Variants in ARHGAP39 observed in about 807,000 individuals in gnomAD.
The protein encoded by ARHGAP39 is Rho GTPase activating protein 39.
ARHGAP39 carries 44 observed loss-of-function variants against 106.9 expected under a neutral mutation model. The observed-to-expected ratio is 0.41, with a 90% CI of 0.32 to 0.53. ARHGAP39 has a LOEUF of 0.53. Among genes scored for constraint, ARHGAP39 ranks in the 20% least tolerant of loss-of-function variants. The probability of loss-of-function intolerance (pLI) is 0.21; values close to 1 mark genes in which losing one functional copy is unlikely to be tolerated. For synonymous variants in ARHGAP39, 768 were observed against 693.2 expected, an observed-to-expected ratio of 1.11 and a Z score of -1.69; for missense variants, 1,496 against 1,577.3, an observed-to-expected ratio of 0.95 and a Z score of 0.87.
At chr8:144,662,134 C>T (rs2129688172) in intron 1 of ARHGAP39, among the ~76,000 whole-genome samples, 1 of 151,588 alleles carries the variant, frequency 6.6e-6, no homozygotes, top group East Asian at 2.0e-4. Flanking sequence ...CGCTCACCTT[C>T]CCCATTTTCC....
rs1816662605 is a variant in ARHGAP39 at position 144,530,779 on chromosome 8, C to T, written c.3073G>A (p.Glu1025Lys). 1.2e-6 allele frequency: 2 copies of T among 1,611,542 alleles called. No homozygotes were observed. Among genetic ancestry groups the T allele is most frequent in the Non-Finnish European group, 1.7e-6 (2 of 1,179,472 alleles). Reference protein sequence around the residue: ...EQCIAHYDSPEAAVAVVHALP... With the variant: ...EQCIAHYDSPKAAVAVVHALP... ...GCGTGCACCACGGCCACCGCCGCCT[C>T]GGGGCTGTCGTAGTGCGCGATGCAC... The change falls in exon 11 of 12, where the codon GAG (glutamate) becomes AAG (lysine). Residue 1025 changes from glutamate to lysine, a missense_variant. Coordinates refer to ENST00000377307, the MANE Select transcript of ARHGAP39 (RefSeq NM_025251.3).
At chr8:144,557,917 A>G (rs1336845551) in intron 3 of ARHGAP39, among the ~76,000 whole-genome samples, 3 of 152,260 alleles carry the variant, frequency 2.0e-5, no homozygotes, top group Non-Finnish European at 2.9e-5. Context: ...AAAAGATTCA[A>G]ATATTTGAAA....
chr8:144,601,747 G>GCA (rs1239671829), intron 2 of ARHGAP39, among the ~76,000 whole-genome samples: 3 of 147,900 alleles, frequency 2.0e-5, no homozygotes, highest in East Asian at 2.1e-4. Context: ...GTGGAGGCGT[G>GCA]TGTGCTCGTG....
At position 144,548,071 on chromosome 8, in the gene ARHGAP39, C is replaced by T; in HGVS notation, c.1015G>A (p.Gly339Ser). ...CGCTGGGGAGAGCCGGCCTGGTAGC[C>T]CCCGCCAGCCTCGAATTGCACGTCC... ...PMDVQFEAGG[G>S]YQAGSPQRSP... Residue 339 changes from glycine (G) to serine (S), a missense_variant, in exon 5 of 12, where the codon GGC (glycine) becomes AGC (serine). Coordinates refer to ENST00000377307, the MANE Select transcript of ARHGAP39 (RefSeq NM_025251.3). This position sits in a 1 kb window ranked among gnomAD's most constrained non-coding sequence, Gnocchi z 7.4. The T allele has an allele frequency of 6.3e-7, 1 of 1,595,538 alleles. No individual in the cohort carries two copies. Among genetic ancestry groups the T allele is most frequent in the Non-Finnish European group, 8.5e-7 (1 of 1,171,528 alleles).
chr8:144,686,945 T>C (rs62529938), upstream of ARHGAP39, among the ~76,000 whole-genome samples: 4,017 of 21,184 alleles, frequency 0.19, 722 homozygotes, highest in Non-Finnish European at 0.26. Flanking sequence ...TTCCCACCCC[T>C]GTGACCACGC....
intron 1 of ARHGAP39, among the ~76,000 whole-genome samples, chr8:144,664,371 T>C (rs1282909282): frequency 1.3e-5 from 2 of 152,290 alleles, no homozygotes; most frequent in East Asian, 3.9e-4. Flanking sequence ...CTTTGGGTGA[T>C]GGCCACTACC....
upstream of ARHGAP39, among the ~76,000 whole-genome samples, chr8:144,689,148 G>A (rs1328404983): frequency 6.6e-6 from 1 of 152,148 alleles, no homozygotes; most frequent in Non-Finnish European, 1.5e-5. Flanking sequence ...GGGCCACCCC[G>A]GGGTATTTAC....
In ARHGAP39 at chr8:144,585,491, G is replaced by A. The variant is rs1195088438; in HGVS notation, c.81-4214C>T. 6.6e-6 allele frequency among the ~76,000 whole-genome samples: 1 copy of A among 151,070 alleles called. No homozygotes were observed. The highest frequency in any genetic ancestry group is 2.4e-5 in the African/African-American group (1 of 40,970). On this transcript the variant is annotated intron_variant, in intron 2 of 11. Coordinates refer to ENST00000377307, the MANE Select transcript of ARHGAP39 (RefSeq NM_025251.3). This position sits in a 1 kb window ranked among gnomAD's most constrained non-coding sequence, Gnocchi z 4.6. ...GGGTTCCCAGCACTGGCTTCCCCTC[G>A]TGCACTCTCTTGCCCTTAGCTCCAG...
At chr8:144,535,005 G>C (rs997574650) in intron 7 of ARHGAP39, among the ~76,000 whole-genome samples, 1 of 152,218 alleles carries the variant, frequency 6.6e-6, no homozygotes, top group South Asian at 2.1e-4. Flanking sequence ...GAGAGAACAC[G>C]CCAAGAGAAG....
intron 1 of ARHGAP39, among the ~76,000 whole-genome samples, chr8:144,616,078 T>C (rs551690398): frequency 6.6e-6 from 1 of 152,204 alleles, no homozygotes. Flanking sequence ...GCCACCTGGA[T>C]GCGCAGAAAA....
chr8:144,574,195 A>C (rs2130888601), intron 3 of ARHGAP39, among the ~76,000 whole-genome samples: 1 of 148,258 alleles, frequency 6.7e-6, no homozygotes, highest in East Asian at 2.0e-4. Flanking sequence ...GAGGAGGAGG[A>C]GGAGGAGGGG....
At position 144,581,001 on chromosome 8, in the gene ARHGAP39, C is replaced by G; in HGVS notation, c.357G>C (p.Ser119=). The G allele has an allele frequency of 6.3e-7, 1 of 1,593,326 alleles. No individual in the cohort carries two copies. The highest frequency in any genetic ancestry group is 1.1e-5 in the South Asian group (1 of 88,698). The change falls in exon 3 of 12, where the codon TCG becomes TCC. Residue 119 remains serine, a synonymous_variant. Transcript: ENST00000377307. ...TGCCGCGCCCGGGGCTGCTCTCCGC[C>G]GAGGCGCGCGGGGACTCCGTGTTCT... The part of the protein sequence containing the change: ...LKQNTESPRA[S]AESSPGRGSS...
intron 2 of ARHGAP39, 40 bp downstream of exon 2, chr8:144,605,495 G>A (rs368341556): frequency 3.4e-5 from 55 of 1,603,928 alleles, no homozygotes; most frequent in Non-Finnish European, 4.4e-5. Context: ...CCACCCACTC[G>A]TGAGGCCCGG....
intron 2 of ARHGAP39, among the ~76,000 whole-genome samples, chr8:144,596,591 C>T (rs979231851): frequency 3.0e-4 from 46 of 152,296 alleles, no homozygotes; most frequent in African/African-American, 4.8e-4. Flanking sequence ...GGGGGTGCTG[C>T]GCGGGGGCAG....
At chr8:144,621,627 C>G (rs767451836) in intron 1 of ARHGAP39, among the ~76,000 whole-genome samples, 2 of 152,140 alleles carry the variant, frequency 1.3e-5, no homozygotes, top group African/African-American at 2.4e-5. Flanking sequence ...GACCAGCCTG[C>G]GAAACATAGT....
chr8:144,548,062 C>A lies in ARHGAP39; in HGVS notation c.1024G>T (p.Ala342Ser). Reference sequence around the variant, plus strand: ...CCCGGCGACCGCTGGGGAGAGCCGGCCTGGTAGCCCCCGCCAGCCTCGAAT... The same window carrying A: ...CCCGGCGACCGCTGGGGAGAGCCGGACTGGTAGCCCCCGCCAGCCTCGAAT... ...VQFEAGGGYQ[A>S]GSPQRSPGRK... Residue 342 changes from alanine to serine, a missense_variant, in exon 5 of 12, where the codon GCC becomes TCC. Ala to Ser is a moderately conservative substitution (Grantham distance 99). Coordinates refer to ENST00000377307, the MANE Select transcript of ARHGAP39 (RefSeq NM_025251.3). This position sits in a 1 kb window ranked among gnomAD's most constrained non-coding sequence, Gnocchi z 7.4. 6.3e-7 allele frequency: 1 copy of A among 1,595,222 alleles called. No individual in the cohort carries two copies. The highest frequency in any genetic ancestry group is 8.5e-7 in the Non-Finnish European group (1 of 1,171,772).
rs373506479 is a variant in ARHGAP39 at position 144,603,278 on chromosome 8, GGT to G, written c.80+2255_80+2256del. On this transcript the variant is annotated intron_variant, in intron 2 of 11. Transcript: ENST00000377307. ...GTGTACCTGTGTGCATGTGCGTGGA[GGT>G]GTGTGTGCGTGCTCGTGTATCTGTG... Among the ~76,000 whole-genome samples the G allele has an allele frequency of 3.1e-3, 462 of 150,982 alleles. 6 individuals are homozygous for G. Among genetic ancestry groups the G allele is most frequent in the African/African-American group, 9.8e-3 (402 of 41,082 alleles).
At position 144,545,594 on chromosome 8, in the gene ARHGAP39, A is replaced by G; in HGVS notation, c.2176T>C (p.Ser726Pro). 6.2e-7 allele frequency: 1 copy of G among 1,613,294 alleles called. No homozygotes were observed. Among genetic ancestry groups the G allele is most frequent in the Non-Finnish European group, 8.5e-7 (1 of 1,179,916 alleles). The change falls in exon 6 of 12, where the codon TCC becomes CCC. Residue 726 changes from serine to proline, a missense_variant. By Grantham distance (74) the Ser-to-Pro change is moderately conservative. This residue lies in a region of ARHGAP39 where 470 missense variants were observed against 605.1 expected (regional missense o/e 0.78). Transcript: ENST00000377307. ...GTCACGATCATGGGCTTCTTGATGG[A>G]CTCGCTGCTCCAGGCCAGCATGTTG... ...IANMLAWSSESIKKPMIVTSD... is the reference protein window; with the variant it reads ...IANMLAWSSEPIKKPMIVTSD...
At chr8:144,618,653 C>A (rs374563385) in intron 1 of ARHGAP39, among the ~76,000 whole-genome samples, 1 of 152,194 alleles carries the variant, frequency 6.6e-6, no homozygotes, top group African/African-American at 2.4e-5. Flanking sequence ...TCCCCCTCTG[C>A]CGGGGCTGCC....
Sources: allele counts gnomAD v4.1 joint callset (sites outside exome capture counted in the v4.1 genomes callset), GRCh38; gene constraint gnomAD v4.1.1; regional missense constraint gnomAD v4.1.1; non-coding constraint Gnocchi (gnomAD v3.1); transcripts MANE v1.5; gene names NCBI Gene and HGNC (gene_info 2026-07-23, HGNC 2026-07-21).